The following CACNA1I variants were observed in gnomAD, a reference collection of about 807,000 sequenced individuals.
CACNA1I encodes voltage-dependent T-type calcium channel subunit alpha-1I.
CACNA1I carries 74 observed loss-of-function variants against 201.6 expected under a neutral mutation model. The observed-to-expected ratio is 0.37, with a 90% confidence interval of 0.30 to 0.45. The LOEUF is 0.45. Ranked by LOEUF, CACNA1I falls within the 20% of genes least tolerant of loss-of-function variation. CACNA1I has a pLI of 1.00. For missense variants in CACNA1I, 2,346 were observed against 3,138.1 expected (o/e 0.75, Z 6.03); for synonymous variants, 1,431 against 1,345.2 (o/e 1.06, Z -1.40).
intron 6 of CACNA1I, among the ~76,000 whole-genome samples, chr22:39,641,774 C>T (rs1372922836): frequency 2.6e-5 from 4 of 152,236 alleles, no homozygotes; most frequent in Admixed American, 2.6e-4. Context: ...TCAGCCTATA[C>T]TCTGCAGAGG....
rs181968427 is a variant in CACNA1I at position 39,600,767 on chromosome 22, C to A, written c.482+114C>A. On this transcript the variant is annotated intron_variant, in intron 3 of 36. Coordinates refer to ENST00000402142, the MANE Select transcript of CACNA1I (RefSeq NM_021096.4). ...AGGGGAATCACGGTGATGCGTGGGACCCTCCTGGACCCCTGGGCTGGGAGG... is the reference window on the plus strand; with the variant it reads ...AGGGGAATCACGGTGATGCGTGGGAACCTCCTGGACCCCTGGGCTGGGAGG... The A allele has an allele frequency of 4.3e-4, 549 of 1,278,846 alleles. 2 individuals carry two copies. In the African/African-American group the frequency reaches 4.8e-3, roughly 11 times the overall value. The allele number at this position is 1,278,846 out of a possible 1,614,324, so 79.2% of individuals were successfully genotyped here.
chr22:39,571,022 G>A (rs1400823580), intron 1 of CACNA1I, 34 bp downstream of exon 1: 1 of 1,562,416 alleles, frequency 6.4e-7, no homozygotes. Context: ...TCGGGGCCCT[G>A]CAGGGGCTGA....
intron 33 of CACNA1I, 122 bp downstream of exon 33, chr22:39,679,990 A>C: frequency 1.0e-6 from 1 of 975,750 alleles, no homozygotes; most frequent in Non-Finnish European, 1.5e-6. Context: ...CAACGTGGGC[A>C]CACGTAGCTT....
intron 1 of CACNA1I, among the ~76,000 whole-genome samples, chr22:39,581,833 C>A (rs1258222604): frequency 6.6e-6 from 1 of 152,232 alleles, no homozygotes; most frequent in African/African-American, 2.4e-5. Flanking sequence ...GTAGGACCAC[C>A]TTTCACATTT....
Position 39,685,930 on chromosome 22 carries a change from G to A in CACNA1I, c.6197G>A (p.Arg2066His). ...GGCCTGTCCCCCGCCGCTCGCCGCC[G>A]CCTGAGCCTGCGCGGCCGGGGCCTC... is the stretch of plus-strand genomic sequence containing the variant. ...RAGLSPAARR[R>H]LSLRGRGLFS... Residue 2066 changes from arginine to histidine, a missense_variant, in exon 37 of 37, where the codon CGC (arginine) becomes CAC (histidine). Transcript: ENST00000402142. The surrounding 1 kb of genome is among the most constrained non-coding windows in gnomAD (Gnocchi z 5.0). 7.7e-7 allele frequency: 1 copy of A among 1,296,670 alleles called. No homozygotes were observed. The highest frequency in any genetic ancestry group is 9.7e-7 in the Non-Finnish European group (1 of 1,032,552). 80.3% of individuals were successfully genotyped at this position (1,296,670 alleles called of 1,614,324 possible).
chr22:39,662,711 G>T, intron 17 of CACNA1I, 65 bp from the exon 18 acceptor site: 4 of 1,201,744 alleles, frequency 3.3e-6, no homozygotes, highest in Admixed American at 4.0e-5. Context: ...CGCGATGGCC[G>T]CATGGGCGGA....
intron 3 of CACNA1I, among the ~76,000 whole-genome samples, chr22:39,611,617 G>A (rs779775992): frequency 2.6e-5 from 4 of 152,180 alleles, no homozygotes; most frequent in Admixed American, 6.5e-5. Flanking sequence ...TAAGTTTCAC[G>A]GGAGGCAGAC....
intron 8 of CACNA1I, 42 bp from the exon 9 acceptor site, chr22:39,647,780 C>A: frequency 7.2e-7 from 1 of 1,380,224 alleles, no homozygotes; most frequent in South Asian, 1.2e-5. Context: ...AGGAAACGGT[C>A]CTGAGAAGGG....
intron 6 of CACNA1I, among the ~76,000 whole-genome samples, chr22:39,641,739 T>C (rs1369660776): frequency 2.0e-5 from 3 of 152,218 alleles, no homozygotes; most frequent in Non-Finnish European, 4.4e-5. Context: ...AAAGGGCTTG[T>C]TGCGTGGCCC....
intron 27 of CACNA1I, among the ~76,000 whole-genome samples, chr22:39,672,553 T>G (rs1935404204): frequency 6.6e-6 from 1 of 152,196 alleles, no homozygotes; most frequent in South Asian, 2.1e-4. Flanking sequence ...GTCTCTACCC[T>G]ATGGGCAGAG....
intron 2 of CACNA1I, among the ~76,000 whole-genome samples, chr22:39,599,895 A>G (rs1932986759): frequency 1.3e-5 from 2 of 152,126 alleles, no homozygotes; most frequent in South Asian, 4.2e-4. Context: ...CAGGAATTCC[A>G]CCCAGTCCCC....
chr22:39,621,940 A>C (rs1761522333), intron 4 of CACNA1I, among the ~76,000 whole-genome samples: 1 of 152,148 alleles, frequency 6.6e-6, no homozygotes, highest in Non-Finnish European at 1.5e-5. Flanking sequence ...CCTAGTTCAA[A>C]ACCATCTTTC....
In CACNA1I at chr22:39,677,285, C is replaced by T; in HGVS notation, c.4855-56C>T. 7 of 1,253,968 alleles carry T rather than the reference C, an allele frequency of 5.6e-6. No homozygotes were observed. Among genetic ancestry groups the T allele is most frequent in the Non-Finnish European group, 6.7e-6 (6 of 889,148 alleles). The allele number at this position is 1,253,968 out of a possible 1,614,324, so 77.7% of individuals were successfully genotyped here. On this transcript the variant is annotated intron_variant, in intron 29 of 36. Coordinates refer to ENST00000402142, the MANE Select transcript of CACNA1I (RefSeq NM_021096.4). This position sits in a 1 kb window ranked among gnomAD's most constrained non-coding sequence, Gnocchi z 4.8. The stretch of plus-strand genomic sequence containing the variant: ...GCCCCAGCCTCCACCCTTCCCAGGC[C>T]TGGTGCGCCCCCACCCGCTCCCCAG...
In CACNA1I at chr22:39,680,987, C is replaced by G; in HGVS notation, c.5599C>G (p.Leu1867Val). ...GAACTCAGACAGGTCCTCGTCCATCCTGCTGGGTGACGACCTGAGTCTCGA... is the reference window on the plus strand; with the variant it reads ...GAACTCAGACAGGTCCTCGTCCATCGTGCTGGGTGACGACCTGAGTCTCGA... ...SLNSDRSSSI[L>V]LGDDLSLEDP... The change falls in exon 34 of 37, where the codon CTG (leucine) becomes GTG (valine). Residue 1867 changes from leucine (L) to valine (V), a missense_variant. By Grantham distance (32) the Leu-to-Val change is conservative. Transcript: ENST00000402142. The G allele has an allele frequency of 6.2e-7, 1 of 1,612,062 alleles. No individual in the cohort carries two copies. The highest frequency in any genetic ancestry group is 1.1e-5 in the South Asian group (1 of 90,876).
Position 39,664,080 on chromosome 22 carries a change from G to T in CACNA1I, c.3598-11G>T, listed in dbSNP as rs1340616316. ...AGCCCCTGAGCCTATGGTATCTCCC[G>T]ATGCTTTCAGGAACGCATCTTTCTC... On this transcript the variant is annotated splice_polypyrimidine_tract_variant and intron_variant, in intron 19 of 36. Coordinates refer to ENST00000402142, the MANE Select transcript of CACNA1I (RefSeq NM_021096.4). 4 of 1,613,102 alleles carry T rather than the reference G, an allele frequency of 2.5e-6. No individual in the cohort carries two copies. The highest frequency in any genetic ancestry group is 2.5e-6 in the Non-Finnish European group (3 of 1,179,336).
rs770240642 is a variant in CACNA1I at position 39,634,587 on chromosome 22, G to A, written c.603G>A (p.Leu201=). The change falls in exon 5 of 37, where the codon CTG becomes CTA. Residue 201 remains leucine (L), a synonymous_variant. Coordinates refer to ENST00000402142, the MANE Select transcript of CACNA1I (RefSeq NM_021096.4). ...RVPSMRILVN[L]LLDTLPMLGN... ...CAGGTATGCGGATCCTGGTGAACCTGCTCCTGGACACACTGCCCATGCTGG... is the reference window on the plus strand; with the variant it reads ...CAGGTATGCGGATCCTGGTGAACCTACTCCTGGACACACTGCCCATGCTGG... 17 of 1,613,858 alleles carry A rather than the reference G, an allele frequency of 1.1e-5. No homozygotes were observed. The South Asian group carries it at 1.2e-4, about 11-fold the overall frequency.
In CACNA1I at chr22:39,684,889, A is replaced by T; in HGVS notation, c.6027+391A>T. The T allele has an allele frequency of 5.5e-6, 2 of 364,678 alleles. No individual in the cohort carries two copies. Among genetic ancestry groups the T allele is most frequent in the Admixed American group, 4.2e-5 (1 of 23,610 alleles). 22.6% of individuals were successfully genotyped at this position (364,678 alleles called of 1,614,324 possible). On this transcript the variant is annotated intron_variant, in intron 36 of 36. Coordinates refer to ENST00000402142, the MANE Select transcript of CACNA1I (RefSeq NM_021096.4). The surrounding 1 kb of genome is among the most constrained non-coding windows in gnomAD (Gnocchi z 4.6). ...GGGTGTGAGTGGGGGCTTGATTACT[A>T]GGAATGGAGGTGGGAGGGCGGGTCT...
At chr22:39,621,538 G>A (rs773803814) in intron 4 of CACNA1I, among the ~76,000 whole-genome samples, 1 of 152,226 alleles carries the variant, frequency 6.6e-6, no homozygotes, top group Non-Finnish European at 1.5e-5. Flanking sequence ...TGTGGAGCAA[G>A]GTGACCAGGA....
intron 10 of CACNA1I, among the ~76,000 whole-genome samples, chr22:39,656,905 A>C (rs1298007225): frequency 6.6e-6 from 1 of 152,236 alleles, no homozygotes; most frequent in East Asian, 1.9e-4. Flanking sequence ...TCAGGCAGGG[A>C]TGACCTGGCA....
Sources: allele counts gnomAD v4.1 joint callset (sites outside exome capture counted in the v4.1 genomes callset), GRCh38; gene constraint gnomAD v4.1.1; non-coding constraint Gnocchi (gnomAD v3.1); transcripts MANE v1.5; gene names NCBI Gene and HGNC (gene_info 2026-07-23, HGNC 2026-07-21).